Variants in NUP188 observed in about 807,000 individuals in gnomAD.
NUP188 encodes nucleoporin NUP188.
A neutral mutation model predicts 223.0 loss-of-function variants in NUP188; 97 were observed. That is an observed-to-expected ratio of 0.43 (90% CI 0.37 to 0.51). The LOEUF is 0.51. Ranked by LOEUF, NUP188 falls within the 20% of genes least tolerant of loss-of-function variation. NUP188 has a pLI of 0.00. For synonymous variants in NUP188, 869 were observed against 828.0 expected, an observed-to-expected ratio of 1.05 and a Z score of -0.85; for missense variants, 1,947 against 2,175.6, an observed-to-expected ratio of 0.89 and a Z score of 2.09.
At chr9:128,997,192 G>A (rs1036361451) in intron 30 of NUP188, among the ~76,000 whole-genome samples, 1 of 152,194 alleles carries the variant, frequency 6.6e-6, no homozygotes, top group Non-Finnish European at 1.5e-5. Flanking sequence ...AGTCTAGGCA[G>A]ATGGACTTGC....
In NUP188 at chr9:128,993,840, TC is replaced by T. The variant is rs2131178451; in HGVS notation, c.3017+147del. ...CAATACCTGGGAGTTTTACACTAAT[TC>T]TCTTTCTAATGCTGCTGCAAGTATT... On this transcript the variant is annotated intron_variant, in intron 27 of 43. Transcript: ENST00000372577. 3 of 693,408 alleles carry T rather than the reference TC, an allele frequency of 4.3e-6. No individual in the cohort carries two copies. The South Asian group carries it at 5.6e-5, about 13-fold the overall frequency. The allele number at this position is 693,408 out of a possible 1,614,324, so 43.0% of individuals were successfully genotyped here.
intron 2 of NUP188, among the ~76,000 whole-genome samples, 170 bp from the exon 3 acceptor site, chr9:128,952,603 A>G (rs529299557): frequency 6.7e-6 from 1 of 149,396 alleles, no homozygotes; most frequent in East Asian, 2.0e-4. Flanking sequence ...GGCACCTGTA[A>G]TTCCAGCTAC....
At chr9:128,995,551 C>T (rs1588289014) in intron 30 of NUP188, 37 bp downstream of exon 30, 1 of 1,512,684 alleles carries the variant, frequency 6.6e-7, no homozygotes, top group East Asian at 2.3e-5. Context: ...ACTTTGGTAC[C>T]TTAGCAATGA....
At chr9:128,988,846 C>T (rs987465976) in intron 24 of NUP188, among the ~76,000 whole-genome samples, 1 of 148,496 alleles carries the variant, frequency 6.7e-6, no homozygotes, top group African/African-American at 2.5e-5. Flanking sequence ...CCTGCCTCAG[C>T]TTCCCGAGTA....
At chr9:129,005,950 A>G in intron 41 of NUP188, 100 bp from the exon 42 acceptor site, 2 of 1,435,196 alleles carry the variant, frequency 1.4e-6, no homozygotes, top group Non-Finnish European at 9.7e-7. Flanking sequence ...AAATGAGGTA[A>G]CTGATTAAAT....
intron 25 of NUP188, among the ~76,000 whole-genome samples, chr9:128,991,735 C>CCT (rs1842435423): frequency 1.4e-5 from 2 of 147,108 alleles, no homozygotes; most frequent in Admixed American, 6.9e-5. Flanking sequence ...CCCAGGTACT[C>CCT]AGTAGGCTGA....
At chr9:128,961,043 C>G (rs1040889218) in intron 8 of NUP188, among the ~76,000 whole-genome samples, 11 of 149,950 alleles carry the variant, frequency 7.3e-5, no homozygotes, top group African/African-American at 2.5e-4. Flanking sequence ...CAAGATTGCG[C>G]CACTGTACTC....
intron 3 of NUP188, among the ~76,000 whole-genome samples, chr9:128,956,106 A>T (rs1841864797): frequency 6.6e-6 from 1 of 151,728 alleles, no homozygotes; most frequent in African/African-American, 2.4e-5. Context: ...TTATAACTGT[A>T]ATTTAACCAC....
At chr9:129,005,593 A>G (rs958829622) in intron 40 of NUP188, 52 bp from the exon 41 acceptor site, 8 of 1,611,192 alleles carry the variant, frequency 5.0e-6, no homozygotes, top group Admixed American at 3.3e-5. Flanking sequence ...GTGTACCGAG[A>G]GCTACCTGGG....
rs573255380 is a variant in NUP188 at position 129,002,063 on chromosome 9, G to T, written c.4137+87G>T. The T allele has an allele frequency of 1.9e-5, 21 of 1,096,016 alleles. No individual in the cohort carries two copies. In the African/African-American group the frequency reaches 3.1e-4, roughly 16 times the overall value. The allele number at this position is 1,096,016 out of a possible 1,614,324, so 67.9% of individuals were successfully genotyped here. A position where few individuals can be genotyped will look rare whatever the true frequency, so the allele number is the denominator to read the frequency against. ...TGTCCTCCCCTACCTTTCCCCGGAA[G>T]TTGCTTTCCTCTAAATTGCCTAATA... On this transcript the variant is annotated intron_variant, in intron 36 of 43. Coordinates refer to ENST00000372577, the MANE Select transcript of NUP188 (RefSeq NM_015354.3).
At chr9:128,995,572 T>C in intron 30 of NUP188, 58 bp downstream of exon 30, 1 of 1,417,204 alleles carries the variant, frequency 7.1e-7, no homozygotes, top group South Asian at 1.4e-5. Context: ...TGTGTTGACA[T>C]GAGCCTAGCA....
At position 129,006,111 on chromosome 9, in the gene NUP188, C is replaced by T. The variant is rs146458704; in HGVS notation, c.4931C>T (p.Thr1644Ile). 3.5e-5 allele frequency: 56 copies of T among 1,614,148 alleles called. No individual in the cohort carries two copies. The African/African-American group carries it at 7.1e-4, about 20-fold the overall frequency. Residue 1644 changes from threonine to isoleucine, a missense_variant, in exon 42 of 44, where the codon ACC becomes ATC. Coordinates refer to ENST00000372577, the MANE Select transcript of NUP188 (RefSeq NM_015354.3). Reference protein sequence around the residue: ...AVGLSTQAEGTRTLKSLLMFT... With the variant: ...AVGLSTQAEGIRTLKSLLMFT... Reference sequence around the variant, plus strand: ...GGGCTCAGCACACAGGCAGAAGGGACCAGGACGTTAAAGTAAGTGCTCTTT... The same window carrying T: ...GGGCTCAGCACACAGGCAGAAGGGATCAGGACGTTAAAGTAAGTGCTCTTT...
At chr9:128,991,172 T>C (rs1259705950) in intron 25 of NUP188, among the ~76,000 whole-genome samples, 1 of 151,608 alleles carries the variant, frequency 6.6e-6, no homozygotes, top group East Asian at 1.9e-4. Context: ...CTTTTTTTTT[T>C]TTTTTTTTTT....
chr9:128,986,432 T>A (rs1206552390), intron 20 of NUP188, 126 bp from the exon 21 acceptor site: 1 of 997,660 alleles, frequency 1.0e-6, no homozygotes, highest in Non-Finnish European at 1.5e-6. Context: ...TTCTTTTTTT[T>A]CATTGATGAC....
chr9:128,966,085 G>A (rs1380252015), intron 8 of NUP188, among the ~76,000 whole-genome samples: 3 of 151,602 alleles, frequency 2.0e-5, no homozygotes, highest in Non-Finnish European at 2.9e-5. Context: ...GTGAACCACC[G>A]CGCCCGGACT....
intron 8 of NUP188, among the ~76,000 whole-genome samples, chr9:128,965,819 T>A (rs1289319186): frequency 1.2e-4 from 18 of 151,012 alleles, no homozygotes; most frequent in East Asian, 3.9e-4. Flanking sequence ...TTTTTTTTTT[T>A]AAATTTTCAC....
At chr9:128,952,638 A>G (rs1588267390) in intron 2 of NUP188, 135 bp from the exon 3 acceptor site, 3 of 585,454 alleles carry the variant, frequency 5.1e-6, no homozygotes, top group East Asian at 6.6e-5. Context: ...CTCGAGAATC[A>G]CTTGAACCTG....
intron 8 of NUP188, among the ~76,000 whole-genome samples, chr9:128,961,622 A>ATAGATAGATAGATAGATAGAT (rs774001270): frequency 7.5e-6 from 1 of 133,956 alleles, no homozygotes; most frequent in African/African-American, 2.9e-5. Flanking sequence ...AGATAGATAG[A>ATAGATAGATAGATAGATAGAT]TTTTTTTTTT....
Position 129,005,443 on chromosome 9 carries a change from C to T in NUP188, c.4650C>T (p.Val1550=). 3 of 1,608,164 alleles carry T rather than the reference C, an allele frequency of 1.9e-6. No individual in the cohort carries two copies. Among genetic ancestry groups the T allele is most frequent in the Non-Finnish European group, 2.5e-6 (3 of 1,180,012 alleles). Residue 1550 remains valine (V), a synonymous_variant, in exon 40 of 44, where the codon GTC becomes GTT. Transcript: ENST00000372577. The stretch of plus-strand genomic sequence containing the variant: ...CAGAGCAGCAGGCCTTGCACACAGT[C>T]CAGTATGGCCTTCTCAAGATCCTCA... The part of the protein sequence containing the change: ...EASEQQALHT[V]QYGLLKILSK...
Sources: allele counts gnomAD v4.1 joint callset (sites outside exome capture counted in the v4.1 genomes callset), GRCh38; gene constraint gnomAD v4.1.1; transcripts MANE v1.5; gene names NCBI Gene and HGNC (gene_info 2026-07-23, HGNC 2026-07-21).